Variants in USP34 observed in about 807,000 individuals in gnomAD.
The protein encoded by USP34 is ubiquitin carboxyl-terminal hydrolase 34.
A neutral mutation model predicts 460.3 loss-of-function variants in USP34; 70 were observed. The ratio of observed to expected loss-of-function variants is 0.15; its 90% CI spans 0.13 to 0.19. USP34 has a LOEUF of 0.19. USP34 is among the 10% of genes least tolerant of loss of function. The probability of loss-of-function intolerance (pLI) is 1.00; values close to 1 mark genes in which losing one functional copy is unlikely to be tolerated. For synonymous variants in USP34, 1,647 were observed against 1,405.3 expected (o/e 1.17, Z -3.85); for missense variants, 3,985 against 4,236.2 (o/e 0.94, Z 1.65).
chr2:61,404,040 A>G lies in USP34; in HGVS notation c.552+1668T>C, dbSNP rs372039263. Among the ~76,000 whole-genome samples the G allele has an allele frequency of 3.8e-4, 58 of 151,520 alleles. No homozygotes were observed. In the East Asian group the frequency reaches 4.1e-3, roughly 11 times the overall value. On this transcript the variant is annotated intron_variant, in intron 3 of 79. Coordinates refer to ENST00000398571, the MANE Select transcript of USP34 (RefSeq NM_014709.4). ...AAAAGCTTTAGAACAGTAAGGAAAG[A>G]AGGACAGAAAGTACAACTTGGAAGA...
At chr2:61,314,458 T>C in intron 25 of USP34, 127 bp downstream of exon 25, 1 of 825,080 alleles carries the variant, frequency 1.2e-6, no homozygotes, top group Non-Finnish European at 1.7e-6. Context: ...TACTGATCCT[T>C]CACTTTGGTA....
At chr2:61,327,677 T>C (rs748701297) in intron 20 of USP34, among the ~76,000 whole-genome samples, 35 of 152,188 alleles carry the variant, frequency 2.3e-4, no homozygotes, top group Non-Finnish European at 4.7e-4. Flanking sequence ...AAGGCATGGG[T>C]CTAGTCCCTT....
chr2:61,445,769 C>T (rs1470918853), intron 1 of USP34, among the ~76,000 whole-genome samples: 2 of 151,898 alleles, frequency 1.3e-5, no homozygotes, highest in Non-Finnish European at 2.9e-5. Flanking sequence ...CAGCCTGACA[C>T]CCAGTCTCTA....
chr2:61,455,659 C>G (rs905026824), intron 1 of USP34, among the ~76,000 whole-genome samples: 1 of 152,110 alleles, frequency 6.6e-6, no homozygotes, highest in Admixed American at 6.6e-5. Context: ...TATATCAAGT[C>G]CACAAAGTTT....
At chr2:61,328,082 C>T (rs1186154011) in intron 20 of USP34, among the ~76,000 whole-genome samples, 4 of 151,984 alleles carry the variant, frequency 2.6e-5, no homozygotes, top group Non-Finnish European at 5.9e-5. Context: ...GCGGGTGGAT[C>T]GCCTGAGGTC....
intron 1 of USP34, among the ~76,000 whole-genome samples, chr2:61,440,923 C>T (rs560466234): frequency 1.8e-4 from 27 of 151,610 alleles, no homozygotes; most frequent in Non-Finnish European, 2.8e-4. Flanking sequence ...GTCAGGAGAT[C>T]GAGACCATCC....
chr2:61,417,227 G>A (rs972025170), intron 2 of USP34: 28 of 1,451,706 alleles, frequency 1.9e-5, no homozygotes, highest in African/African-American at 1.1e-4. Context: ...TCAGAAACAC[G>A]AACATACATC....
intron 59 of USP34, 86 bp from the exon 60 acceptor site, chr2:61,229,081 TTC>T: frequency 9.4e-7 from 1 of 1,067,080 alleles, no homozygotes; most frequent in Non-Finnish European, 1.3e-6. Context: ...AACTCTGAAT[TTC>T]TTTTATCTTT....
chr2:61,206,784 T>G lies in USP34; in HGVS notation c.9022A>C (p.Thr3008Pro). ...CCTTTTCTCTGAAGATAAGGGCGTG[T>G]AGACTTCAAAACCGAAAGAAATATT... ...LSIFLSVLKS[T>P]RPYLQRKDVK... The change falls in exon 71 of 80, where the codon ACA (threonine) becomes CCA (proline). Residue 3008 changes from threonine to proline, a missense_variant. Around this residue, in one of 14 missense-constraint regions of USP34, gnomAD observed 275 missense variants for 292.7 expected, o/e 0.94. Coordinates refer to ENST00000398571, the MANE Select transcript of USP34 (RefSeq NM_014709.4). 1 of 1,613,772 alleles carries G rather than the reference T, an allele frequency of 6.2e-7. No individual in the cohort carries two copies. Among genetic ancestry groups the G allele is most frequent in the Non-Finnish European group, 8.5e-7 (1 of 1,179,792 alleles).
chr2:61,283,566 T>A, intron 35 of USP34, 117 bp from the exon 36 acceptor site: 1 of 1,067,784 alleles, frequency 9.4e-7, no homozygotes, highest in Non-Finnish European at 1.3e-6. Flanking sequence ...AGGAAAGCAG[T>A]GGGTGTGTGA....
chr2:61,283,583 G>A (rs1350067451), intron 35 of USP34, 134 bp from the exon 36 acceptor site: 1 of 723,006 alleles, frequency 1.4e-6, no homozygotes, highest in Admixed American at 2.8e-5. Context: ...GTGAGTGAGA[G>A]TGAGAGTGAG....
At chr2:61,251,861 C>T (rs1189571797) in intron 48 of USP34, among the ~76,000 whole-genome samples, 3 of 151,922 alleles carry the variant, frequency 2.0e-5, no homozygotes, top group Admixed American at 1.3e-4. Flanking sequence ...CTACAGCATC[C>T]TTGTTAGAAA....
intron 51 of USP34, among the ~76,000 whole-genome samples, chr2:61,244,788 TTC>T (rs1294099246): frequency 1.3e-5 from 2 of 152,132 alleles, no homozygotes; most frequent in Non-Finnish European, 2.9e-5. Context: ...TTTTTTTAAT[TTC>T]TTTTTTTCTT....
At chr2:61,270,910 C>T (rs570893367) in intron 41 of USP34, among the ~76,000 whole-genome samples, 38 of 152,298 alleles carry the variant, frequency 2.5e-4, no homozygotes, top group African/African-American at 8.9e-4. Context: ...CCATTGCTTT[C>T]CTATGACTTA....
At chr2:61,235,820 A>T (rs753455349) in intron 57 of USP34, 25 bp downstream of exon 57, 3 of 1,603,510 alleles carry the variant, frequency 1.9e-6, no homozygotes, top group Non-Finnish European at 2.6e-6. Flanking sequence ...TAAACTATGC[A>T]TTAGTTGTTG....
chr2:61,376,733 C>G lies in USP34; in HGVS notation c.1076+1630G>C, dbSNP rs1417428262. 3.3e-5 allele frequency among the ~76,000 whole-genome samples: 5 copies of G among 151,826 alleles called. No individual in the cohort carries two copies. In the East Asian group the frequency reaches 9.8e-4, roughly 30 times the overall value. ...GCACCATCTCGGGTCACTGCAATCTCTGTCTCCGGGTTTAAGTGATTCTCG... is the reference window on the plus strand; with the variant it reads ...GCACCATCTCGGGTCACTGCAATCTGTGTCTCCGGGTTTAAGTGATTCTCG... On this transcript the variant is annotated intron_variant, in intron 8 of 79. Coordinates refer to ENST00000398571, the MANE Select transcript of USP34 (RefSeq NM_014709.4).
chr2:61,251,834 T>C (rs1158013957), intron 48 of USP34, among the ~76,000 whole-genome samples: 1 of 152,196 alleles, frequency 6.6e-6, no homozygotes, highest in Admixed American at 6.5e-5. Flanking sequence ...GTTCCCCATT[T>C]GGACATTTTT....
intron 18 of USP34, among the ~76,000 whole-genome samples, chr2:61,335,867 C>T (rs1365122244): frequency 1.3e-5 from 2 of 152,110 alleles, no homozygotes; most frequent in Non-Finnish European, 2.9e-5. Context: ...TGTGTTGTAA[C>T]CAAAAGCTTA....
chr2:61,306,072 G>T (rs1306726507), intron 27 of USP34, among the ~76,000 whole-genome samples: 1 of 150,736 alleles, frequency 6.6e-6, no homozygotes, highest in African/African-American at 2.4e-5. Flanking sequence ...CTGTGCAGAA[G>T]CTCTTTAAAT....
Sources: allele counts gnomAD v4.1 joint callset (sites outside exome capture counted in the v4.1 genomes callset), GRCh38; gene constraint gnomAD v4.1.1; regional missense constraint gnomAD v4.1.1; transcripts MANE v1.5; gene names NCBI Gene and HGNC (gene_info 2026-07-23, HGNC 2026-07-21).